ABLIM1: variants seen among roughly 807,000 people sequenced by gnomAD.
ABLIM1 encodes the protein actin-binding LIM protein 1.
A neutral mutation model predicts 107.0 loss-of-function variants in ABLIM1; 40 were observed. The ratio of observed to expected loss-of-function variants is 0.37; its 90% CI spans 0.29 to 0.49. The LOEUF (loss-of-function observed/expected upper bound fraction) is 0.49. ABLIM1 is among the 20% of genes least tolerant of loss of function. ABLIM1 has a pLI of 0.97. For missense variants in ABLIM1, 857 were observed against 1,008.5 expected, an observed-to-expected ratio of 0.85 and a Z score of 2.04; for synonymous variants, 357 against 357.3, an observed-to-expected ratio of 1.00 and a Z score of 0.01.
intron 8 of ABLIM1, among the ~76,000 whole-genome samples, chr10:114,477,846 TC>T (rs745529392): frequency 5.3e-5 from 8 of 152,180 alleles, no homozygotes; most frequent in Non-Finnish European, 8.8e-5. Context: ...TGCCTCAGCC[TC>T]CCAAGTAGCT....
intron 1 of ABLIM1, among the ~76,000 whole-genome samples, chr10:114,700,267 T>C (rs996478683): frequency 6.6e-6 from 1 of 152,204 alleles, no homozygotes; most frequent in East Asian, 1.9e-4. Flanking sequence ...ACACTACAAA[T>C]AATCACTGAG....
At chr10:114,648,867 T>C (rs959998811) in intron 1 of ABLIM1, among the ~76,000 whole-genome samples, 2 of 152,018 alleles carry the variant, frequency 1.3e-5, no homozygotes, top group African/African-American at 4.8e-5. Context: ...ATTTGTGTGG[T>C]ACACAGCAGA....
At chr10:114,581,424 C>T (rs2073359730) in intron 2 of ABLIM1, among the ~76,000 whole-genome samples, 2 of 152,200 alleles carry the variant, frequency 1.3e-5, no homozygotes, top group Admixed American at 1.3e-4. Context: ...TACTGCCAAA[C>T]ATTTAAGAGA....
chr10:114,485,154 G>A lies in ABLIM1; in HGVS notation c.1041+2804C>T, dbSNP rs904364180. The stretch of plus-strand genomic sequence containing the variant: ...AGAAGACAACAGCCAGAGTCAGTGT[G>A]AGAGGCGCTTGTGGTGTGAGAAAAG... On this transcript the variant is annotated intron_variant, in intron 8 of 22. Coordinates refer to ENST00000533213, the MANE Select transcript of ABLIM1 (RefSeq NM_002313.7). The A allele has an allele frequency of 3.4e-5, 18 of 534,276 alleles. No individual in the cohort carries two copies. The Admixed American group carries it at 3.8e-4, about 11-fold the overall frequency. The allele number at this position is 534,276 out of a possible 1,614,324, so 33.1% of individuals were successfully genotyped here.
At chr10:114,596,940 A>C (rs1026696400) in intron 2 of ABLIM1, among the ~76,000 whole-genome samples, 3 of 151,626 alleles carry the variant, frequency 2.0e-5, no homozygotes, top group Admixed American at 6.6e-5. Flanking sequence ...AAGGAGAGGC[A>C]GGTGGGAGGG....
At chr10:114,633,826 T>C (rs1316783002) in intron 1 of ABLIM1, among the ~76,000 whole-genome samples, 1 of 152,120 alleles carries the variant, frequency 6.6e-6, no homozygotes, top group Non-Finnish European at 1.5e-5. Context: ...CAAGCAAAAT[T>C]AACTGCAGAG....
intron 7 of ABLIM1, 76 bp from the exon 8 acceptor site, chr10:114,488,092 A>G: frequency 7.0e-7 from 1 of 1,437,676 alleles, no homozygotes; most frequent in Non-Finnish European, 9.8e-7. Context: ...CACTTCTGAG[A>G]ATGGCTCCTA....
chr10:114,548,305 G>A (rs2497719), intron 4 of ABLIM1, among the ~76,000 whole-genome samples: 118,648 of 152,144 alleles, frequency 0.78, 46,920 homozygotes, highest in African/African-American at 0.93. Context: ...CATCAATTAA[G>A]TGGCTCTTAA....
Position 114,704,335 on chromosome 10 carries a change from T to TATATATATATATATATATATCTCACG in ABLIM1, c.-213+63725_-213+63726insCGTGAGATATATATATATATATATAT, listed in dbSNP as rs3061769. Among the ~76,000 whole-genome samples, 88 of 83,392 alleles carry TATATATATATATATATATATCTCACG rather than the reference T, an allele frequency of 1.1e-3. 4 individuals carry two copies. Among genetic ancestry groups the TATATATATATATATATATATCTCACG allele is most frequent in the Middle Eastern group, 5.6e-3 (1 of 180 alleles). 54.7% of individuals were successfully genotyped at this position (83,392 alleles called of 152,430 possible). On this transcript the variant is annotated intron_variant, in intron 1 of 15. Coordinates refer to the ABLIM1 transcript ENST00000651092. ...ATATATATATATATATATATATATA[T>TATATATATATATATATATATCTCACG]TGCGCGCGTTACATCTGTGAGGTAT...
upstream of ABLIM1, among the ~76,000 whole-genome samples, chr10:114,686,588 T>TCTTCCTTCCTCTTTTCCTTTCTCC: frequency 6.6e-6 from 1 of 151,840 alleles, no homozygotes; most frequent in African/African-American, 2.4e-5. Flanking sequence ...TTTCTTTCTC[T>TCTTCCTTCCTCTTTTCCTTTCTCC]CTTCCTTCCT....
Position 114,440,856 on chromosome 10 carries a change from T to C in ABLIM1, c.2059+161A>G, listed in dbSNP as rs372764992. The C allele has an allele frequency of 7.1e-4, 544 of 763,134 alleles. 1 individual carries two copies. Among genetic ancestry groups the C allele is most frequent in the Non-Finnish European group, 1.1e-3 (489 of 433,996 alleles). 47.3% of individuals were successfully genotyped at this position (763,134 alleles called of 1,614,324 possible). A position where few individuals can be genotyped will look rare whatever the true frequency, so the allele number is the denominator to read the frequency against. ...CAGTTTGATTTCATTAGATATTCTT[T>C]GAAATTTTGTAAATAATTGCCCTAT... On this transcript the variant is annotated intron_variant, in intron 19 of 22. Coordinates refer to ENST00000533213, the MANE Select transcript of ABLIM1 (RefSeq NM_002313.7).
chr10:114,583,450 CACACACACACACACACACATATATAT>C (rs2073741779), intron 2 of ABLIM1, among the ~76,000 whole-genome samples: 12 of 36,408 alleles, frequency 3.3e-4, no homozygotes, highest in African/African-American at 1.3e-3. Context: ...CACACACACA[CACACACACACACACACACATATATAT>C]ATATATATAT....
At position 114,707,978 on chromosome 10, in the gene ABLIM1, T is replaced by G. The variant is rs1013470662; in HGVS notation, c.-213+60083A>C. On this transcript the variant is annotated intron_variant, in intron 1 of 15. Transcript: ENST00000651092. This position sits in a 1 kb window ranked among gnomAD's most constrained non-coding sequence, Gnocchi z 4.1. ...CAGTTTTCAATTTTGTACTAAGCCTTTATGCTAACCGCTGTTTTTCAAAGC... is the reference window on the plus strand; with the variant it reads ...CAGTTTTCAATTTTGTACTAAGCCTGTATGCTAACCGCTGTTTTTCAAAGC... 1.3e-5 allele frequency among the ~76,000 whole-genome samples: 2 copies of G among 152,168 alleles called. No homozygotes were observed. The highest frequency in any genetic ancestry group is 4.8e-5 in the African/African-American group (2 of 41,442).
chr10:114,769,661 A>G (rs756081151), upstream of ABLIM1, among the ~76,000 whole-genome samples: 2 of 152,220 alleles, frequency 1.3e-5, no homozygotes, highest in South Asian at 2.1e-4. Flanking sequence ...ATGGAATTGT[A>G]TAATAGTTCT....
intron 4 of ABLIM1, among the ~76,000 whole-genome samples, chr10:114,562,105 A>G (rs555283009): frequency 6.6e-6 from 1 of 152,324 alleles, no homozygotes; most frequent in East Asian, 1.9e-4. Flanking sequence ...CAACATTGAA[A>G]TTGCCACACC....
chr10:114,652,733 T>C (rs2079309799), intron 1 of ABLIM1, among the ~76,000 whole-genome samples: 1 of 152,208 alleles, frequency 6.6e-6, no homozygotes, highest in African/African-American at 2.4e-5. Flanking sequence ...TCTTGTTTGT[T>C]TGTCAAGAAG....
the ABLIM1 span, among the ~76,000 whole-genome samples, chr10:114,785,243 T>C: frequency 1.3e-5 from 2 of 152,224 alleles, no homozygotes; most frequent in African/African-American, 4.8e-5. Flanking sequence ...AACTCCTAGG[T>C]GGCTTCTCAA....
At chr10:114,684,442 C>T (rs1277390011) in exon 1 of ABLIM1, 1 of 1,576,656 alleles carries the variant, frequency 6.3e-7, no homozygotes, top group East Asian at 2.2e-5. Flanking sequence ...GGCTGGGGCC[C>T]TGGCTCTCCT....
At chr10:114,749,685 C>T (rs1252626020) in intron 1 of ABLIM1, among the ~76,000 whole-genome samples, 1 of 152,136 alleles carries the variant, frequency 6.6e-6, no homozygotes, top group East Asian at 1.9e-4. Flanking sequence ...CAAGATAGCA[C>T]ATGACTGCTC....
Sources: gnomAD v4.1 joint callset for allele counts (sites outside exome capture counted in the v4.1 genomes callset) on GRCh38, gnomAD v4.1.1 for gene constraint, Gnocchi (gnomAD v3.1) non-coding constraint, MANE v1.5 for transcripts, NCBI Gene and HGNC (gene_info 2026-07-23, HGNC 2026-07-21) for gene names.